Variants in SKAP2 observed in about 807,000 individuals in gnomAD.
SKAP2 encodes the protein src kinase-associated phosphoprotein 2.
A neutral mutation model predicts 54.9 loss-of-function variants in SKAP2; 28 were observed. The observed-to-expected ratio is 0.51, with a 90% confidence interval of 0.38 to 0.70. The LOEUF is 0.70. SKAP2 is among the 30% of genes least tolerant of loss of function. The pLI is 0.00. For missense variants in SKAP2, 356 were observed against 424.1 expected (o/e 0.84, Z 1.41); for synonymous variants, 137 against 134.3 (o/e 1.02, Z -0.14).
At chr7:26,736,528 G>A (rs577047897) in intron 6 of SKAP2, among the ~76,000 whole-genome samples, 2 of 152,322 alleles carry the variant, frequency 1.3e-5, no homozygotes, top group African/African-American at 4.8e-5. Context: ...TAATCAAGAA[G>A]TAACAATAAG....
intron 4 of SKAP2, among the ~76,000 whole-genome samples, chr7:26,818,571 T>C (rs1304763541): frequency 1.3e-5 from 2 of 152,126 alleles, no homozygotes; most frequent in Non-Finnish European, 2.9e-5. Context: ...AAAGCCAAAA[T>C]TGACAAATGA....
At chr7:26,735,916 G>T (rs1030940798) in intron 6 of SKAP2, among the ~76,000 whole-genome samples, 2 of 151,738 alleles carry the variant, frequency 1.3e-5, no homozygotes, top group African/African-American at 4.8e-5. Context: ...TAAAAATTTC[G>T]AATGAAACCG....
At chr7:26,670,478 G>A (rs1042763674) in intron 11 of SKAP2, among the ~76,000 whole-genome samples, 4 of 151,892 alleles carry the variant, frequency 2.6e-5, no homozygotes, top group Admixed American at 1.3e-4. Context: ...GCCTTCTCTC[G>A]GGGACACTCT....
chr7:26,823,533 T>G (rs1476452643), intron 4 of SKAP2, among the ~76,000 whole-genome samples: 4 of 151,962 alleles, frequency 2.6e-5, no homozygotes, highest in Non-Finnish European at 4.4e-5. Flanking sequence ...AACACTCCCT[T>G]AAGCCAAAGC....
chr7:26,854,234 A>T, intron 2 of SKAP2, 72 bp from the exon 3 acceptor site: 1 of 932,418 alleles, frequency 1.1e-6, no homozygotes. Context: ...AACAATAATT[A>T]AAATCCAAAA....
At chr7:26,837,097 A>G (rs894720217) in intron 4 of SKAP2, among the ~76,000 whole-genome samples, 10 of 152,186 alleles carry the variant, frequency 6.6e-5, no homozygotes, top group Non-Finnish European at 5.9e-5. Flanking sequence ...AGAAAACCAC[A>G]CATTGCATGT....
At chr7:26,733,887 G>A (rs529873553) in intron 6 of SKAP2, among the ~76,000 whole-genome samples, 3 of 152,238 alleles carry the variant, frequency 2.0e-5, no homozygotes, top group Admixed American at 1.3e-4. Flanking sequence ...TCTTTAATCA[G>A]GTTTCAGCAA....
chr7:26,702,587 A>G (rs1249758367), intron 9 of SKAP2, among the ~76,000 whole-genome samples: 1 of 152,150 alleles, frequency 6.6e-6, no homozygotes, highest in African/African-American at 2.4e-5. Context: ...AGAAAAACTA[A>G]CCATCCTGAT....
At chr7:26,786,164 C>G (rs1160512564) in intron 4 of SKAP2, among the ~76,000 whole-genome samples, 1 of 152,114 alleles carries the variant, frequency 6.6e-6, no homozygotes, top group Non-Finnish European at 1.5e-5. Context: ...ATTTGGTAAT[C>G]AAGATGGGGG....
At chr7:26,819,493 A>G (rs1373485655) in intron 4 of SKAP2, among the ~76,000 whole-genome samples, 1 of 152,050 alleles carries the variant, frequency 6.6e-6, no homozygotes, top group Non-Finnish European at 1.5e-5. Context: ...TGGGTGCAGG[A>G]AACCACCATG....
chr7:26,857,589 G>T, intron 1 of SKAP2: 1 of 985,428 alleles, frequency 1.0e-6, no homozygotes, highest in African/African-American at 1.7e-5. Flanking sequence ...GCGCCGCAAA[G>T]AAGTTGTAGG....
chr7:26,786,294 C>T lies in SKAP2; in HGVS notation c.308-46330G>A, dbSNP rs565884773. ...ATCCGCCATTCTACAATTAGGGATA[C>T]AGTGTTGAACAAGACAGACAAGGTC... On this transcript the variant is annotated intron_variant, in intron 4 of 12. Coordinates refer to ENST00000345317, the MANE Select transcript of SKAP2 (RefSeq NM_003930.5). 2.6e-5 allele frequency among the ~76,000 whole-genome samples: 4 copies of T among 152,316 alleles called. No individual in the cohort carries two copies. In the South Asian group the frequency reaches 8.3e-4, roughly 32 times the overall value.
intron 4 of SKAP2, among the ~76,000 whole-genome samples, chr7:26,763,573 A>T (rs1782980490): frequency 6.6e-6 from 1 of 152,172 alleles, no homozygotes; most frequent in South Asian, 2.1e-4. Flanking sequence ...CTTTGAGATG[A>T]CGTAAAATAT....
At chr7:26,799,264 C>A (rs990761893) in intron 4 of SKAP2, among the ~76,000 whole-genome samples, 1 of 146,914 alleles carries the variant, frequency 6.8e-6, no homozygotes, top group Non-Finnish European at 1.5e-5. Context: ...TCAAAAGACA[C>A]AGACGGGCTG....
intron 4 of SKAP2, among the ~76,000 whole-genome samples, chr7:26,750,802 C>A (rs1782664156): frequency 6.6e-6 from 1 of 152,026 alleles, no homozygotes; most frequent in Non-Finnish European, 1.5e-5. Context: ...TATGCAGATT[C>A]CTCTAGCAAA....
chr7:26,692,786 T>C lies in SKAP2; in HGVS notation c.797-2424A>G, dbSNP rs974880266. The stretch of plus-strand genomic sequence containing the variant: ...GGTTAATAGGGTGTTTCCATATAAA[T>C]TTTTAAAGGTAGAAGGAACGTTTAC... On this transcript the variant is annotated intron_variant, in intron 9 of 12. Coordinates refer to ENST00000345317, the MANE Select transcript of SKAP2 (RefSeq NM_003930.5). 3.3e-5 allele frequency among the ~76,000 whole-genome samples: 5 copies of C among 152,338 alleles called. No individual in the cohort carries two copies. In the South Asian group the frequency reaches 1.0e-3, roughly 32 times the overall value.
intron 4 of SKAP2, among the ~76,000 whole-genome samples, chr7:26,784,290 T>G (rs1265655493): frequency 6.6e-6 from 1 of 152,206 alleles, no homozygotes; most frequent in Non-Finnish European, 1.5e-5. Context: ...CCTTGTCTTT[T>G]CTCCTGTTAA....
intron 4 of SKAP2, among the ~76,000 whole-genome samples, chr7:26,795,339 T>A (rs768396391): frequency 2.1e-4 from 32 of 152,236 alleles, no homozygotes; most frequent in Non-Finnish European, 2.8e-4. Flanking sequence ...CTAAGTGTTA[T>A]CACTTTTTCC....
chr7:26,685,078 G>C (rs1786600796), intron 10 of SKAP2, among the ~76,000 whole-genome samples: 1 of 151,994 alleles, frequency 6.6e-6, no homozygotes, highest in African/African-American at 2.4e-5. Flanking sequence ...TTCTTTTTCT[G>C]CCTTTCATCT....
Sources: allele counts gnomAD v4.1 joint callset (sites outside exome capture counted in the v4.1 genomes callset), GRCh38; gene constraint gnomAD v4.1.1; transcripts MANE v1.5; gene names NCBI Gene and HGNC (gene_info 2026-07-23, HGNC 2026-07-21).